The following SLC12A9 variants were observed in gnomAD, a reference collection of about 807,000 sequenced individuals.
SLC12A9 encodes the protein solute carrier family 12 member 9.
A neutral mutation model predicts 66.0 loss-of-function variants in SLC12A9; 55 were observed. That is an observed-to-expected ratio of 0.83 (90% CI 0.67 to 1.04). The LOEUF (loss-of-function observed/expected upper bound fraction) is 1.04. Among genes scored for constraint, SLC12A9 ranks in the 50% least tolerant of loss-of-function variants. The pLI is 0.00. For missense variants in SLC12A9, 1,061 were observed against 1,241.9 expected, an observed-to-expected ratio of 0.85 and a Z score of 2.19; for synonymous variants, 577 against 569.0, an observed-to-expected ratio of 1.01 and a Z score of -0.20.
At chr7:100,828,431 C>A (rs771113140) in intron 1 of SLC12A9, among the ~76,000 whole-genome samples, 1 of 150,674 alleles carries the variant, frequency 6.6e-6, no homozygotes, top group Non-Finnish European at 1.5e-5. Context: ...CCTAGCTACT[C>A]GGGAGGCTGA....
chr7:100,863,301 G>A (rs1253061919), intron 13 of SLC12A9, among the ~76,000 whole-genome samples: 4 of 152,064 alleles, frequency 2.6e-5, no homozygotes, highest in Non-Finnish European at 5.9e-5. Context: ...CCTGACCTCA[G>A]GTGATCTACC....
chr7:100,846,941 G>A (rs1813930511), intron 1 of SLC12A9, among the ~76,000 whole-genome samples: 1 of 152,066 alleles, frequency 6.6e-6, no homozygotes, highest in Admixed American at 6.6e-5. Flanking sequence ...TCCCTGTCCT[G>A]TTTTCTTCCA....
At chr7:100,855,128 C>T (rs903615104) in intron 3 of SLC12A9, among the ~76,000 whole-genome samples, 1 of 152,182 alleles carries the variant, frequency 6.6e-6, no homozygotes, top group African/African-American at 2.4e-5. Context: ...CGCATCACTG[C>T]ACTCCAACCT....
intron 3 of SLC12A9, 68 bp from the exon 4 acceptor site, chr7:100,855,638 G>A: frequency 1.2e-6 from 2 of 1,606,654 alleles, no homozygotes; most frequent in Non-Finnish European, 1.7e-6. Flanking sequence ...AGTGCTTGGA[G>A]CTATGGCAAC....
At chr7:100,864,803 C>T (rs1424542053) in intron 13 of SLC12A9, among the ~76,000 whole-genome samples, 1 of 152,284 alleles carries the variant, frequency 6.6e-6, no homozygotes, top group East Asian at 1.9e-4. Context: ...CATAGCATTA[C>T]TTCGAGTTTC....
rs767165940 is a variant in SLC12A9 at position 100,865,728 on chromosome 7, A to G, written c.1868A>G (p.Lys623Arg). 8 of 1,607,444 alleles carry G rather than the reference A, an allele frequency of 5.0e-6. No individual in the cohort carries two copies. In the South Asian group the frequency reaches 8.8e-5, roughly 18 times the overall value. ...CCCGCTCTGCCCCCAGGTGGCATGA[A>G]GCCCAACACGTTGGTCCTAGGTTTC... is the stretch of plus-strand genomic sequence containing the variant. ...LLRISGLGGM[K>R]PNTLVLGFYD... is the part of the protein sequence containing the mutation. Residue 623 changes from lysine (K) to arginine (R), a missense_variant, in exon 14 of 14, where the codon AAG becomes AGG. Physicochemically the swap from Lys to Arg is conservative, Grantham distance 26. Coordinates refer to ENST00000354161, the MANE Select transcript of SLC12A9 (RefSeq NM_020246.4).
At chr7:100,832,230 C>T (rs767521398) in intron 1 of SLC12A9, among the ~76,000 whole-genome samples, 46 of 151,546 alleles carry the variant, frequency 3.0e-4, no homozygotes, top group Non-Finnish European at 5.9e-4. Flanking sequence ...CTTAGCCAGG[C>T]ACTGTGGCTC....
chr7:100,856,954 G>A lies in SLC12A9; in HGVS notation c.535G>A (p.Gly179Ser). Residue 179 changes from glycine to serine, a missense_variant, in exon 5 of 14, where the codon GGT becomes AGT. By Grantham distance (56) the Gly-to-Ser change is moderately conservative. Transcript: ENST00000354161. Reference protein sequence around the residue: ...LYGSLLLGLVGGVCTLGAGLY... With the variant: ...LYGSLLLGLVSGVCTLGAGLY... The stretch of plus-strand genomic sequence containing the variant: ...TGGCTCCCTGCTGCTGGGCCTTGTG[G>A]GTGGGGTCTGCACCCTGGGAGCCGG... 2 of 1,613,556 alleles carry A rather than the reference G, an allele frequency of 1.2e-6. No homozygotes were observed. The highest frequency in any genetic ancestry group is 1.7e-6 in the Non-Finnish European group (2 of 1,180,026).
chr7:100,850,062 A>G (rs1384226947), upstream of SLC12A9, among the ~76,000 whole-genome samples: 3 of 151,776 alleles, frequency 2.0e-5, no homozygotes, highest in Admixed American at 6.6e-5. Flanking sequence ...TAGTAGAGAC[A>G]GGGTTTCCCC....
chr7:100,831,924 C>T (rs756287675), intron 1 of SLC12A9, among the ~76,000 whole-genome samples: 3 of 152,166 alleles, frequency 2.0e-5, no homozygotes, highest in Non-Finnish European at 4.4e-5. Flanking sequence ...ATAATTTAAA[C>T]AGTTTTGAAG....
upstream of SLC12A9, chr7:100,852,568 C>T (rs1040059503): frequency 3.6e-4 from 55 of 152,510 alleles, no homozygotes; most frequent in African/African-American, 1.3e-3. Context: ...AGACGCTTGT[C>T]TGCAGGGCTG....
intron 1 of SLC12A9, among the ~76,000 whole-genome samples, chr7:100,840,582 A>G (rs1270982331): frequency 6.6e-6 from 1 of 152,066 alleles, no homozygotes; most frequent in East Asian, 1.9e-4. Flanking sequence ...GAAAGAGAGA[A>G]AGGAAAGAGA....
Position 100,854,639 on chromosome 7 carries a change from T to C in SLC12A9, c.201T>C (p.Ala67=). ...CCTCAGGGTTCGTGGTGGGTCATGCTGGGCTACTGCAGGCCCTGGCCATGC... is the reference window on the plus strand; with the variant it reads ...CCTCAGGGTTCGTGGTGGGTCATGCCGGGCTACTGCAGGCCCTGGCCATGC... ...FLRIGFVVGH[A]GLLQALAMLL... The change falls in exon 3 of 14, where the codon GCT becomes GCC. Residue 67 remains alanine (A), a synonymous_variant. Coordinates refer to ENST00000354161, the MANE Select transcript of SLC12A9 (RefSeq NM_020246.4). The C allele has an allele frequency of 6.2e-7, 1 of 1,614,054 alleles. No homozygotes were observed.
intron 1 of SLC12A9, among the ~76,000 whole-genome samples, chr7:100,838,095 T>C (rs1813704609): frequency 6.6e-6 from 1 of 151,904 alleles, no homozygotes; most frequent in Non-Finnish European, 1.5e-5. Context: ...TCTCCTGACC[T>C]CGTGATCTGC....
chr7:100,857,078 G>T lies in SLC12A9; in HGVS notation c.659G>T (p.Arg220Leu), dbSNP rs150811167. ...SFVAVGPRDIRLTPRPGPNGS... is the reference protein window; with the variant it reads ...SFVAVGPRDILLTPRPGPNGS... ...GTGGCTGTGGGGCCGAGGGACATCCGCTTGACTCCTAGGCCTGGCCCCAAT... is the reference window on the plus strand; with the variant it reads ...GTGGCTGTGGGGCCGAGGGACATCCTCTTGACTCCTAGGCCTGGCCCCAAT... The change falls in exon 5 of 14, where the codon CGC (arginine) becomes CTC (leucine). Residue 220 changes from arginine to leucine, a missense_variant. Arg to Leu is a moderately radical substitution (Grantham distance 102). Transcript: ENST00000354161. 372 of 1,614,154 alleles carry T rather than the reference G, an allele frequency of 2.3e-4. 1 individual carries two copies. The African/African-American group carries it at 2.8e-3, about 12-fold the overall frequency.
intron 1 of SLC12A9, among the ~76,000 whole-genome samples, chr7:100,830,197 C>G (rs1409320087): frequency 6.6e-6 from 1 of 151,894 alleles, no homozygotes; most frequent in South Asian, 2.1e-4. Context: ...ACTGAAAATA[C>G]AAAACTTAGC....
Position 100,861,337 on chromosome 7 carries a change from G to A in SLC12A9, c.1344-55G>A. ...CTCAGGCGTGGGGCTGGGGACTGCAGCCTCGTGTGCGGCCTGCCCTGAGTT... is the reference window on the plus strand; with the variant it reads ...CTCAGGCGTGGGGCTGGGGACTGCAACCTCGTGTGCGGCCTGCCCTGAGTT... On this transcript the variant is annotated intron_variant, in intron 10 of 13. Transcript: ENST00000354161. The surrounding 1 kb of genome is among the most constrained non-coding windows in gnomAD (Gnocchi z 5.3). 1 of 1,611,678 alleles carries A rather than the reference G, an allele frequency of 6.2e-7. No homozygotes were observed. Among genetic ancestry groups the A allele is most frequent in the South Asian group, 1.1e-5 (1 of 91,046 alleles).
intron 13 of SLC12A9, among the ~76,000 whole-genome samples, chr7:100,865,012 C>T (rs1814987445): frequency 6.6e-6 from 1 of 151,986 alleles, no homozygotes; most frequent in African/African-American, 2.4e-5. Context: ...GGCTGGAGTG[C>T]AGTGGCGTGA....
At chr7:100,834,182 G>A (rs1478993434) in intron 1 of SLC12A9, among the ~76,000 whole-genome samples, 1 of 152,120 alleles carries the variant, frequency 6.6e-6, no homozygotes, top group Admixed American at 6.6e-5. Flanking sequence ...ATGTCTGAAT[G>A]AGTCCTAGAG....
Sources: gnomAD v4.1 joint callset for allele counts (sites outside exome capture counted in the v4.1 genomes callset) on GRCh38, gnomAD v4.1.1 for gene constraint, Gnocchi (gnomAD v3.1) non-coding constraint, MANE v1.5 for transcripts, NCBI Gene and HGNC (gene_info 2026-07-23, HGNC 2026-07-21) for gene names.